CCDC7: variants seen among roughly 807,000 people sequenced by gnomAD.
CCDC7 encodes coiled-coil domain containing 7.
CCDC7 carries 183 observed loss-of-function variants against 196.9 expected under a neutral mutation model. The ratio of observed to expected loss-of-function variants is 0.93; its 90% CI spans 0.82 to 1.05. The LOEUF (loss-of-function observed/expected upper bound fraction) is 1.05, where lower values mean the gene tolerates loss of function less well. Ranked by LOEUF, CCDC7 falls within the 50% of genes least tolerant of loss-of-function variation. The probability of loss-of-function intolerance (pLI) is 0.00; values close to 1 mark genes in which losing one functional copy is unlikely to be tolerated. For missense variants in CCDC7, 1,540 were observed against 1,482.2 expected, an observed-to-expected ratio of 1.04 and a Z score of -0.64; for synonymous variants, 525 against 484.6, an observed-to-expected ratio of 1.08 and a Z score of -1.10.
At chr10:32,472,244 A>G (rs924157698) in intron 6 of CCDC7, among the ~76,000 whole-genome samples, 2 of 152,190 alleles carry the variant, frequency 1.3e-5, no homozygotes, top group African/African-American at 4.8e-5. Context: ...TGTTTTTGGT[A>G]TACTTAATTA....
At chr10:32,625,010 T>A (rs939876616) in intron 18 of CCDC7, among the ~76,000 whole-genome samples, 25 of 117,702 alleles carry the variant, frequency 2.1e-4, no homozygotes, top group African/African-American at 7.0e-4. Flanking sequence ...TTTTTTTTTT[T>A]AGTTCTTCAC....
intron 20 of CCDC7, among the ~76,000 whole-genome samples, chr10:32,658,851 A>C (rs1357125497): frequency 2.0e-5 from 3 of 152,176 alleles, no homozygotes; most frequent in African/African-American, 4.8e-5. Flanking sequence ...AATTGTTCAT[A>C]ATAGTCATAA....
chr10:32,833,360 A>ATTTTTT (rs1322505465), intron 32 of CCDC7, among the ~76,000 whole-genome samples: 13 of 150,274 alleles, frequency 8.7e-5, no homozygotes, highest in East Asian at 4.1e-4. Flanking sequence ...TTTTAAAAAA[A>ATTTTTT]AAAAAAAGAA....
chr10:32,748,682 CCAGTGCTTCT>C (rs2075202230), intron 28 of CCDC7, among the ~76,000 whole-genome samples: 1 of 152,174 alleles, frequency 6.6e-6, no homozygotes, highest in Admixed American at 6.5e-5. Flanking sequence ...ATGAACTTCT[CCAGTGCTTCT>C]CAGTTTTTTC....
rs1555179415 is a variant in CCDC7, at chr10:32,828,467, G to GAAGAAGAAGAAGAA, written c.3268+3863_3268+3864insAAGAAGAAGAAGAA. ...AAGAAGAAGAAGAAGAAGAAGAAGA[G>GAAGAAGAAGAAGAA]GAAGAGGAAGAGGAAGAGGAAGAAG... On this transcript the variant is annotated intron_variant, in intron 32 of 41. Coordinates refer to ENST00000639629, the Ensembl canonical transcript of CCDC7. Among the ~76,000 whole-genome samples, 21 of 49,028 alleles carry GAAGAAGAAGAAGAA rather than the reference G, an allele frequency of 4.3e-4. No homozygotes were observed. The East Asian group carries it at 4.8e-3, about 11-fold the overall frequency. The allele number at this position is 49,028 out of a possible 152,430, so 32.2% of individuals were successfully genotyped here.
rs181351191 is a variant in CCDC7, at chr10:32,613,749, C to G, written c.1802-20505C>G. Among the ~76,000 whole-genome samples, 105 of 152,142 alleles carry G rather than the reference C, an allele frequency of 6.9e-4. 1 individual carries two copies. The highest frequency in any genetic ancestry group is 2.3e-3 in the African/African-American group (96 of 41,532). ...TGAGTGAGTTTCTTAATCCTGAGTT[C>G]TAATTTGATTGCATTGTGGTGATTT... On this transcript the variant is annotated intron_variant, in intron 18 of 41. Transcript: ENST00000639629.
chr10:32,752,873 T>A (rs1191854590), intron 28 of CCDC7, among the ~76,000 whole-genome samples: 1 of 152,086 alleles, frequency 6.6e-6, no homozygotes, highest in African/African-American at 2.4e-5. Context: ...ATTATGTAAT[T>A]TTTTTTCCTG....
intron 31 of CCDC7, among the ~76,000 whole-genome samples, chr10:32,817,308 A>G (rs1190162947): frequency 1.3e-5 from 2 of 152,312 alleles, no homozygotes; most frequent in Non-Finnish European, 2.9e-5. Context: ...AAAGAAACAA[A>G]CAAAGCCTTC....
intron 10 of CCDC7, 78 bp downstream of exon 11, chr10:32,518,053 T>C: frequency 7.0e-7 from 1 of 1,435,872 alleles, no homozygotes; most frequent in South Asian, 1.5e-5. Context: ...TCAGGATACA[T>C]AATCCTATAT....
At position 32,512,786 on chromosome 10, in the gene CCDC7, T is replaced by C. The variant is rs12253099; in HGVS notation, c.873-5159T>C. The C allele has an allele frequency of 3.7e-3, 563 of 152,094 alleles. 3 individuals are homozygous for C. Among genetic ancestry groups the C allele is most frequent in the African/African-American group, 0.013 (523 of 41,496 alleles). 9.4% of individuals were successfully genotyped at this position (152,094 alleles called of 1,614,324 possible). A position where few individuals can be genotyped will look rare whatever the true frequency, so the allele number is the denominator to read the frequency against. ...ACATAAGAAAAATAGGCAAAGTATA[T>C]AAAGAGGAGGTAACTAAGGGAAAGA... On this transcript the variant is annotated intron_variant, in intron 9 of 41. Coordinates refer to ENST00000639629, the Ensembl canonical transcript of CCDC7.
intron 32 of CCDC7, among the ~76,000 whole-genome samples, chr10:32,833,441 G>T (rs2092378261): frequency 1.3e-5 from 2 of 151,694 alleles, no homozygotes; most frequent in Non-Finnish European, 2.9e-5. Context: ...TACGAAGAAG[G>T]AAAATTGTGA....
At chr10:32,543,498 A>G in intron 12 of CCDC7, 113 bp downstream of exon 13, 2 of 1,048,140 alleles carry the variant, frequency 1.9e-6, no homozygotes. Context: ...TTTTAAAAAC[A>G]TAAAATTGGC....
rs145837003 is a variant in CCDC7 at position 32,509,099 on chromosome 10, G to A, written c.873-8846G>A. On this transcript the variant is annotated intron_variant, in intron 9 of 41. Transcript: ENST00000639629. ...GATCCACCTGCCTCAACCTCCCAAA[G>A]TGTTGGGATTACAGGCCTGAGCCAC... Among the ~76,000 whole-genome samples, 181 of 152,170 alleles carry A rather than the reference G, an allele frequency of 1.2e-3. 1 individual carries two copies. The highest frequency in any genetic ancestry group is 4.2e-3 in the African/African-American group (174 of 41,516).
rs1232123637 is a variant in CCDC7 at position 32,699,916 on chromosome 10, G to A, written c.2458+4924G>A. Among the ~76,000 whole-genome samples, 6 of 149,194 alleles carry A rather than the reference G, an allele frequency of 4.0e-5. 1 individual carries two copies. The highest frequency in any genetic ancestry group is 5.2e-5 in the African/African-American group (2 of 38,644). ...TGATAGGGTTGTTTGTTTTTTTCTTGTAAATTTGTTTGAGTTCATCGTAGA... is the reference window on the plus strand; with the variant it reads ...TGATAGGGTTGTTTGTTTTTTTCTTATAAATTTGTTTGAGTTCATCGTAGA... On this transcript the variant is annotated intron_variant, in intron 24 of 41. Coordinates refer to ENST00000639629, the Ensembl canonical transcript of CCDC7.
intron 9 of CCDC7, among the ~76,000 whole-genome samples, chr10:32,501,563 T>G (rs970423541): frequency 6.6e-6 from 1 of 152,232 alleles, no homozygotes; most frequent in Non-Finnish European, 1.5e-5. Context: ...ATACTATTCC[T>G]TTCTGTTTGT....
At chr10:32,481,691 A>G (rs543270712) in intron 8 of CCDC7, 82 of 152,168 alleles carry the variant, frequency 5.4e-4, no homozygotes, top group African/African-American at 1.8e-3. Flanking sequence ...TCCCTTTATC[A>G]TTTTTGTAAG....
chr10:32,636,741 C>T (rs2065723726), intron 20 of CCDC7, among the ~76,000 whole-genome samples: 1 of 152,144 alleles, frequency 6.6e-6, no homozygotes, highest in African/African-American at 2.4e-5. Context: ...TGGGTATATA[C>T]CCAGTAATGG....
At chr10:32,860,075 C>A (rs1349034592) in intron 41 of CCDC7, among the ~76,000 whole-genome samples, 1 of 152,180 alleles carries the variant, frequency 6.6e-6, no homozygotes, top group Non-Finnish European at 1.5e-5. Flanking sequence ...AGGCCAGCAT[C>A]ATCCTGATAC....
At chr10:32,836,945 A>AT (rs1421194301) in intron 33 of CCDC7, among the ~76,000 whole-genome samples, 1 of 152,190 alleles carries the variant, frequency 6.6e-6, no homozygotes, top group Non-Finnish European at 1.5e-5. Flanking sequence ...AAAGACTTAC[A>AT]TGGTAGACCT....
Sources: gnomAD v4.1 joint callset for allele counts (sites outside exome capture counted in the v4.1 genomes callset) on GRCh38, gnomAD v4.1.1 for gene constraint, MANE v1.5 for transcripts, NCBI Gene and HGNC (gene_info 2026-07-23, HGNC 2026-07-21) for gene names.